Variants in KIF20B observed in about 807,000 individuals in gnomAD.
KIF20B encodes the protein kinesin family member 20B.
A neutral mutation model predicts 232.5 loss-of-function variants in KIF20B; 188 were observed. That is an observed-to-expected ratio of 0.81 (90% CI 0.72 to 0.91). The LOEUF (loss-of-function observed/expected upper bound fraction) is 0.91, where lower values mean the gene tolerates loss of function less well. Ranked by LOEUF, KIF20B falls within the 40% of genes least tolerant of loss-of-function variation. The pLI, the probability that KIF20B is intolerant of heterozygous loss-of-function variation, is 0.00. For missense variants in KIF20B, 2,154 were observed against 2,055.9 expected, an observed-to-expected ratio of 1.05 and a Z score of -0.92; for synonymous variants, 712 against 683.0, an observed-to-expected ratio of 1.04 and a Z score of -0.66.
Position 89,737,397 on chromosome 10 carries a change from T to C in KIF20B, c.2556T>C (p.His852=), listed in dbSNP as rs1319294019. Residue 852 remains histidine (H), a synonymous_variant, in exon 20 of 33, where the codon CAT becomes CAC. Coordinates refer to ENST00000371728, the MANE Select transcript of KIF20B (RefSeq NM_001284259.2). ...TTCTTATTTTTAAAGGGTCTATCCA[T>C]GTTAGTTCAGCTATCACTGAAGACC... is the stretch of plus-strand genomic sequence containing the variant. ...DEPPAKKGSI[H]VSSAITEDQK... is the part of the protein sequence containing the mutation. 1 of 1,574,192 alleles carries C rather than the reference T, an allele frequency of 6.4e-7. No individual in the cohort carries two copies. Among genetic ancestry groups the C allele is most frequent in the South Asian group, 1.2e-5 (1 of 82,846 alleles).
chr10:89,736,025 G>A lies in KIF20B; in HGVS notation c.2546-1362G>A, dbSNP rs138363610. 6.2e-4 allele frequency among the ~76,000 whole-genome samples: 94 copies of A among 152,330 alleles called. 2 individuals are homozygous for A. In the East Asian group the frequency reaches 0.018, roughly 28 times the overall value. On this transcript the variant is annotated intron_variant, in intron 19 of 32. Coordinates refer to ENST00000371728, the MANE Select transcript of KIF20B (RefSeq NM_001284259.2). ...CAGGTTAATTAAACAGAAATGGTCA[G>A]TGAGGGAGTGAATGGCGGTCAGAAG...
intron 8 of KIF20B, among the ~76,000 whole-genome samples, chr10:89,715,896 C>A (rs1239846160): frequency 6.9e-6 from 1 of 144,180 alleles, no homozygotes; most frequent in Non-Finnish European, 1.6e-5. Context: ...GAGGCTGAGG[C>A]AGGAGGATCA....
At chr10:89,712,605 GT>G (rs923698230) in intron 6 of KIF20B, among the ~76,000 whole-genome samples, 2 of 151,778 alleles carry the variant, frequency 1.3e-5, no homozygotes, top group African/African-American at 4.8e-5. Flanking sequence ...TAAGTCATCT[GT>G]TTTTTTTCCA....
chr10:89,733,540 T>A (rs968141056), intron 19 of KIF20B, among the ~76,000 whole-genome samples: 6 of 152,188 alleles, frequency 3.9e-5, no homozygotes, highest in African/African-American at 9.6e-5. Context: ...GATTATTTTT[T>A]AAAAAATCTT....
intron 23 of KIF20B, among the ~76,000 whole-genome samples, chr10:89,747,354 A>C (rs575048771): frequency 6.6e-6 from 1 of 152,116 alleles, no homozygotes; most frequent in Admixed American, 6.5e-5. Context: ...TAGAACTAGA[A>C]ATACCATTTG....
intron 1 of KIF20B, among the ~76,000 whole-genome samples, chr10:89,704,283 G>A (rs769086869): frequency 8.5e-5 from 13 of 152,144 alleles, no homozygotes; most frequent in South Asian, 2.1e-4. Context: ...TCAAAAAACA[G>A]CACAGAGTCC....
intron 23 of KIF20B, among the ~76,000 whole-genome samples, chr10:89,750,723 A>ATTGC (rs1175166302): frequency 6.6e-6 from 1 of 152,134 alleles, no homozygotes. Context: ...CTTACAAGTA[A>ATTGC]TTGCTGTAGT....
At chr10:89,727,476 C>G (rs906909001) in intron 16 of KIF20B, among the ~76,000 whole-genome samples, 3 of 152,150 alleles carry the variant, frequency 2.0e-5, no homozygotes, top group African/African-American at 4.8e-5. Flanking sequence ...GAATTAGTTG[C>G]AATAACTGCT....
chr10:89,766,000 G>T (rs1842351406), intron 29 of KIF20B, among the ~76,000 whole-genome samples: 1 of 152,054 alleles, frequency 6.6e-6, no homozygotes, highest in African/African-American at 2.4e-5. Flanking sequence ...TCTTCTCGAG[G>T]AGTATCTTTG....
intron 25 of KIF20B, 122 bp downstream of exon 25, chr10:89,752,813 C>A: frequency 1.6e-6 from 1 of 610,682 alleles, no homozygotes. Flanking sequence ...TAATACCTGG[C>A]AAATGTTAAT....
rs767771862 is a variant in KIF20B, at chr10:89,717,608, G to A, written c.1157G>A (p.Arg386Gln). ...LSLCDLAGSERTMKTQNEGER... is the reference protein window; with the variant it reads ...LSLCDLAGSEQTMKTQNEGER... ...TTATGTGATCTTGCTGGTTCAGAACGAACTATGAAGACACAGAATGAAGGT... is the reference window on the plus strand; with the variant it reads ...TTATGTGATCTTGCTGGTTCAGAACAAACTATGAAGACACAGAATGAAGGT... Residue 386 changes from arginine to glutamine, a missense_variant, in exon 11 of 33, where the codon CGA becomes CAA. Arg to Gln is a conservative substitution (Grantham distance 43). Coordinates refer to ENST00000371728, the MANE Select transcript of KIF20B (RefSeq NM_001284259.2). The A allele has an allele frequency of 1.7e-5, 27 of 1,610,844 alleles. No homozygotes were observed. Among genetic ancestry groups the A allele is most frequent in the South Asian group, 1.1e-5 (1 of 90,316 alleles).
chr10:89,735,682 C>T (rs1302808170), intron 19 of KIF20B, among the ~76,000 whole-genome samples: 7 of 151,686 alleles, frequency 4.6e-5, no homozygotes, highest in Admixed American at 1.3e-4. Flanking sequence ...GGATTACAGG[C>T]GCCCACCACC....
At chr10:89,770,730 A>G (rs1842445635) in intron 31 of KIF20B, among the ~76,000 whole-genome samples, 1 of 152,066 alleles carries the variant, frequency 6.6e-6, no homozygotes, top group African/African-American at 2.4e-5. Context: ...GAGAAAAGAA[A>G]AAATGGAGAT....
chr10:89,763,825 T>TTATTACTATTTATTAATAGTTAC (rs1842293888), intron 29 of KIF20B, among the ~76,000 whole-genome samples: 2 of 147,674 alleles, frequency 1.4e-5, no homozygotes, highest in East Asian at 2.0e-4. Flanking sequence ...AATATAACTA[T>TTATTACTATTTATTAATAGTTAC]TATTACTATT....
At chr10:89,706,235 G>A (rs1018793044) in intron 2 of KIF20B, among the ~76,000 whole-genome samples, 2 of 152,052 alleles carry the variant, frequency 1.3e-5, no homozygotes, top group African/African-American at 4.8e-5. Context: ...TTTCTAATGA[G>A]CACTCTTTCA....
At position 89,726,492 on chromosome 10, in the gene KIF20B, C is replaced by T; in HGVS notation, c.2201C>T (p.Thr734Ile). 6 of 1,598,308 alleles carry T rather than the reference C, an allele frequency of 3.8e-6. No homozygotes were observed. Among genetic ancestry groups the T allele is most frequent in the Non-Finnish European group, 5.1e-6 (6 of 1,171,938 alleles). ...AAAACCAAAGGAGAATTAATCAAAA[C>T]CAAAGAAGAGTTAAAAAAGAGAGAA... ...LAKTKGELIK[T>I]KEELKKRENE... Residue 734 changes from threonine (T) to isoleucine (I), a missense_variant, in exon 16 of 33, where the codon ACC becomes ATC. Coordinates refer to ENST00000371728, the MANE Select transcript of KIF20B (RefSeq NM_001284259.2).
chr10:89,731,730 T>G (rs1291357511), intron 18 of KIF20B, among the ~76,000 whole-genome samples: 1 of 152,136 alleles, frequency 6.6e-6, no homozygotes, highest in African/African-American at 2.4e-5. Context: ...CTTGGACTTG[T>G]TATGGAGCTG....
Position 89,762,626 on chromosome 10 carries a change from A to T in KIF20B, c.4792-12A>T, listed in dbSNP as rs201942257. On this transcript the variant is annotated splice_polypyrimidine_tract_variant and intron_variant, in intron 28 of 32. Transcript: ENST00000371728. ...CTACAAATAATATTTTTCCTTTTACATTCTGTTGTAGGATGGATCTGTAGT... is the reference window on the plus strand; with the variant it reads ...CTACAAATAATATTTTTCCTTTTACTTTCTGTTGTAGGATGGATCTGTAGT... 1.3e-6 allele frequency: 2 copies of T among 1,593,570 alleles called. No individual in the cohort carries two copies. The highest frequency in any genetic ancestry group is 1.1e-5 in the South Asian group (1 of 89,564).
At chr10:89,749,397 T>C (rs1162759921) in intron 23 of KIF20B, among the ~76,000 whole-genome samples, 1 of 152,158 alleles carries the variant, frequency 6.6e-6, no homozygotes, top group African/African-American at 2.4e-5. Context: ...TAACATAAAA[T>C]TTACCTTTTA....
Sources: gnomAD v4.1 joint callset for allele counts (sites outside exome capture counted in the v4.1 genomes callset) on GRCh38, gnomAD v4.1.1 for gene constraint, MANE v1.5 for transcripts, NCBI Gene and HGNC (gene_info 2026-07-23, HGNC 2026-07-21) for gene names.